EARS2: variants seen among roughly 807,000 people sequenced by gnomAD.
The protein encoded by EARS2 is nondiscriminating glutamyl-tRNA synthetase EARS2, mitochondrial.
EARS2 carries 50 observed loss-of-function variants against 54.1 expected under a neutral mutation model. That is an observed-to-expected ratio of 0.92 (90% CI 0.74 to 1.17). The LOEUF is 1.17. Among genes scored for constraint, EARS2 ranks in the 50% most tolerant of loss-of-function variants. The pLI, the probability that EARS2 is intolerant of heterozygous loss-of-function variation, is 0.00. For missense variants in EARS2, 673 were observed against 675.0 expected (o/e 1.00, Z 0.03); for synonymous variants, 298 against 281.0 (o/e 1.06, Z -0.61).
Position 23,521,886 on chromosome 16 carries a change from C to T in EARS2, c.*2485G>A, listed in dbSNP as rs139615454. The T allele has an allele frequency of 2.2e-3, 998 of 455,818 alleles. 1 individual carries two copies. Among genetic ancestry groups the T allele is most frequent in the Non-Finnish European group, 3.9e-3 (877 of 226,660 alleles). 28.2% of individuals were successfully genotyped at this position (455,818 alleles called of 1,614,324 possible). A position where few individuals can be genotyped will look rare whatever the true frequency, so the allele number is the denominator to read the frequency against. Reference sequence around the variant, plus strand: ...TCAGTAGATCAGAGTTAAGCTTGGACTCTGGATCGGCACAGATCTGAGTTT... The same window carrying T: ...TCAGTAGATCAGAGTTAAGCTTGGATTCTGGATCGGCACAGATCTGAGTTT... On this transcript the variant is annotated 3_prime_UTR_variant, in exon 9 of 9. Coordinates refer to ENST00000449606, the MANE Select transcript of EARS2 (RefSeq NM_001083614.2).
chr16:23,550,400 T>C, intron 2 of EARS2, among the ~76,000 whole-genome samples: 1 of 147,454 alleles, frequency 6.8e-6, no homozygotes, highest in East Asian at 2.0e-4. Flanking sequence ...ATTAATCCAC[T>C]CATCTGTCTT....
Position 23,521,810 on chromosome 16 carries a change from A to G in EARS2, c.*2561T>C, listed in dbSNP as rs1208412547. The G allele has an allele frequency of 8.8e-6, 4 of 455,136 alleles. No homozygotes were observed. The highest frequency in any genetic ancestry group is 4.8e-5 in the Admixed American group (2 of 41,910). 28.2% of individuals were successfully genotyped at this position (455,136 alleles called of 1,614,324 possible). A position where few individuals can be genotyped will look rare whatever the true frequency, so the allele number is the denominator to read the frequency against. On this transcript the variant is annotated 3_prime_UTR_variant, in exon 9 of 9. Coordinates refer to ENST00000449606, the MANE Select transcript of EARS2 (RefSeq NM_001083614.2). ...ACACTCACTTGACCATGAGCCAAGA[A>G]GCTCCTTTTAACCATTCTTAATGTC...
At chr16:23,529,448 A>G in intron 7 of EARS2, 54 bp downstream of exon 7, 1 of 1,586,176 alleles carries the variant, frequency 6.3e-7, no homozygotes, top group South Asian at 1.1e-5. Flanking sequence ...GAGCCATGGG[A>G]CAGAGAGAGG....
intron 3 of EARS2, among the ~76,000 whole-genome samples, chr16:23,535,685 G>A (rs2142172619): frequency 6.6e-6 from 1 of 152,308 alleles, no homozygotes; most frequent in African/African-American, 2.4e-5. Context: ...ACCAGTCCAG[G>A]CAGGAATGTA....
intron 2 of EARS2, among the ~76,000 whole-genome samples, chr16:23,547,778 G>C (rs1189077632): frequency 6.6e-6 from 1 of 152,078 alleles, no homozygotes; most frequent in South Asian, 2.1e-4. Flanking sequence ...CCATGTGAGA[G>C]CCACCACGCC....
At chr16:23,548,380 AG>A (rs1408391729) in intron 2 of EARS2, among the ~76,000 whole-genome samples, 1 of 152,184 alleles carries the variant, frequency 6.6e-6, no homozygotes, top group African/African-American at 2.4e-5. Context: ...CCAAAACACC[AG>A]GGTGGGGGAC....
chr16:23,551,610 T>C (rs1215486410), intron 2 of EARS2, among the ~76,000 whole-genome samples: 1 of 151,746 alleles, frequency 6.6e-6, no homozygotes, highest in African/African-American at 2.4e-5. Flanking sequence ...AGACCCTGAC[T>C]CTAAAAAATT....
intron 2 of EARS2, chr16:23,546,238 A>T (rs201236625): frequency 8.3e-6 from 3 of 363,632 alleles, no homozygotes; most frequent in East Asian, 1.5e-4. Flanking sequence ...CTTTCAGGAG[A>T]GGGCACAGGG....
At chr16:23,556,825 C>T (rs1457366822) in intron 1 of EARS2, 1 of 478,202 alleles carries the variant, frequency 2.1e-6, no homozygotes, top group African/African-American at 2.0e-5. Context: ...TAAAATTACA[C>T]TTATTTTTTA....
intron 5 of EARS2, 157 bp from the exon 6 acceptor site, chr16:23,530,054 G>A (rs919950185): frequency 6.5e-6 from 6 of 919,534 alleles, no homozygotes; most frequent in Non-Finnish European, 9.6e-6. Context: ...TTTATAAAAA[G>A]AAAGGGATGT....
chr16:23,557,041 C>A, intron 1 of EARS2, 164 bp downstream of exon 1: 1 of 1,050,088 alleles, frequency 9.5e-7, no homozygotes, highest in South Asian at 1.4e-5. Context: ...ATTATTTCCG[C>A]TCCTGCACCT....
intron 5 of EARS2, among the ~76,000 whole-genome samples, chr16:23,531,324 G>C (rs563869553): frequency 3.3e-5 from 5 of 151,426 alleles, no homozygotes; most frequent in African/African-American, 1.2e-4. Flanking sequence ...GCAGTGGAGC[G>C]ATCTCGGCTC....
At chr16:23,542,078 G>A (rs191543208) in intron 3 of EARS2, among the ~76,000 whole-genome samples, 1 of 152,034 alleles carries the variant, frequency 6.6e-6, no homozygotes, top group East Asian at 1.9e-4. Flanking sequence ...GGCTGGTCTT[G>A]AACTCCTGAC....
At chr16:23,556,967 C>T in intron 1 of EARS2, 1 of 705,096 alleles carries the variant, frequency 1.4e-6, no homozygotes, top group Non-Finnish European at 2.5e-6. Flanking sequence ...GTATGGAATG[C>T]ATGAAAAAAA....
intron 1 of EARS2, chr16:23,556,808 G>C (rs1432906612): frequency 2.2e-6 from 1 of 459,470 alleles, no homozygotes; most frequent in African/African-American, 2.0e-5. Context: ...CATGGCACAT[G>C]TGACTCTAAA....
In EARS2 at chr16:23,525,249, G is replaced by C; in HGVS notation, c.1483C>G (p.Gln495Glu). The change falls in exon 8 of 9, where the codon CAG becomes GAG. Residue 495 changes from glutamine to glutamate, a missense_variant. Around this residue, in one of 3 missense-constraint regions of EARS2, gnomAD observed 338 missense variants for 361.2 expected, o/e 0.94. Coordinates refer to ENST00000449606, the MANE Select transcript of EARS2 (RefSeq NM_001083614.2). ...AACCCGTGTCCCTGCCTCACCTGCTGTCCACTGAGGGCCATCCGAAGGAGT... is the reference window on the plus strand; with the variant it reads ...AACCCGTGTCCCTGCCTCACCTGCTCTCCACTGAGGGCCATCCGAAGGAGT... ...MKLLRMALSG[Q>E]QQGPPVAEMM... 1 of 1,614,172 alleles carries C rather than the reference G, an allele frequency of 6.2e-7. No homozygotes were observed. The highest frequency in any genetic ancestry group is 8.5e-7 in the Non-Finnish European group (1 of 1,180,036).
chr16:23,556,977 A>G, intron 1 of EARS2: 2 of 724,902 alleles, frequency 2.8e-6, no homozygotes, highest in Non-Finnish European at 4.9e-6. Flanking sequence ...CATGAAAAAA[A>G]GATCGAAAGA....
At chr16:23,535,407 T>A (rs367916989) in intron 3 of EARS2, 47 bp from the exon 4 acceptor site, 2 of 1,542,404 alleles carry the variant, frequency 1.3e-6, no homozygotes, top group East Asian at 4.5e-5. Context: ...GAAAGGTTGA[T>A]GGACAGGAGT....
At chr16:23,530,740 G>A (rs1336923381) in intron 5 of EARS2, among the ~76,000 whole-genome samples, 1 of 152,158 alleles carries the variant, frequency 6.6e-6, no homozygotes, top group African/African-American at 2.4e-5. Context: ...GCCTGGCATG[G>A]TGGTACACAC....
Sources: allele counts gnomAD v4.1 joint callset (sites outside exome capture counted in the v4.1 genomes callset), GRCh38; gene constraint gnomAD v4.1.1; regional missense constraint gnomAD v4.1.1; transcripts MANE v1.5; gene names NCBI Gene and HGNC (gene_info 2026-07-23, HGNC 2026-07-21).